Variants in SGCD observed in about 807,000 individuals in gnomAD.
SGCD encodes the protein sarcoglycan delta, also known as delta-sarcoglycan.
Under a neutral mutation model 36.6 loss-of-function variants are expected in SGCD, and 18 were observed. The ratio of observed to expected loss-of-function variants is 0.49; its 90% confidence interval spans 0.34 to 0.73. The LOEUF is 0.73. SGCD is among the 30% of genes least tolerant of loss of function. The pLI is 0.01. For missense variants in SGCD, 387 were observed against 346.7 expected (o/e 1.12, Z -0.92); for synonymous variants, 133 against 130.6 (o/e 1.02, Z -0.12).
Position 156,229,286 on chromosome 5 carries a change from A to ATATATATG in SGCD, c.-43-100241_-43-100240insGTATATAT, listed in dbSNP as rs1554085611. 3.6e-5 allele frequency among the ~76,000 whole-genome samples: 4 copies of ATATATATG among 110,450 alleles called. 1 individual carries two copies. The highest frequency in any genetic ancestry group is 5.2e-5 in the Non-Finnish European group (3 of 57,210). The allele number at this position is 110,450 out of a possible 152,430, so 72.5% of individuals were successfully genotyped here. On this transcript the variant is annotated intron_variant, in intron 3 of 9. Transcript: ENST00000517913. ...CATATATATATACATACATATATATATATATATATATATAAAATTAGTTCT... is the reference window on the plus strand; with the variant it reads ...CATATATATATACATACATATATATATATATATGTATATATATATATAAAATTAGTTCT...
rs976395604 is a variant in SGCD, at chr5:156,575,765, G to C, written c.295-13466G>C. On this transcript the variant is annotated intron_variant, in intron 4 of 8. Coordinates refer to ENST00000337851, the MANE Select transcript of SGCD (RefSeq NM_000337.6). The stretch of plus-strand genomic sequence containing the variant: ...ATGTACTTTAAGCAAAAAAAAATAT[G>C]ATTAAATAAATTTTGGAGCGATTGG... Among the ~76,000 whole-genome samples the C allele has an allele frequency of 3.9e-5, 6 of 152,088 alleles. No homozygotes were observed. In the East Asian group the frequency reaches 1.2e-3, roughly 29 times the overall value.
At chr5:156,251,180 T>G (rs1387570755) in intron 3 of SGCD, among the ~76,000 whole-genome samples, 1 of 152,228 alleles carries the variant, frequency 6.6e-6, no homozygotes, top group Non-Finnish European at 1.5e-5. Flanking sequence ...GTGTACAGTT[T>G]TTACTTGTAC....
chr5:156,599,449 A>G (rs190304670), intron 6 of SGCD, among the ~76,000 whole-genome samples: 328 of 152,344 alleles, frequency 2.2e-3, no homozygotes, highest in African/African-American at 7.0e-3. Flanking sequence ...TAAAAAGTCA[A>G]TTATTTAAGT....
intron 4 of SGCD, among the ~76,000 whole-genome samples, chr5:156,568,634 A>G (rs531659785): frequency 1.3e-5 from 2 of 152,196 alleles, no homozygotes; most frequent in Non-Finnish European, 2.9e-5. Context: ...TAATTTCTAA[A>G]GCCTGAATTG....
At chr5:155,955,669 A>G (rs1309688518) in intron 1 of SGCD, among the ~76,000 whole-genome samples, 1 of 152,158 alleles carries the variant, frequency 6.6e-6, no homozygotes, top group Non-Finnish European at 1.5e-5. Flanking sequence ...TTGTGTGGAC[A>G]CACACATGAG....
At chr5:156,001,685 C>T (rs779992669) in intron 1 of SGCD, among the ~76,000 whole-genome samples, 3 of 151,860 alleles carry the variant, frequency 2.0e-5, no homozygotes, top group Admixed American at 6.6e-5. Flanking sequence ...GTTTTTTTGG[C>T]CAGAGAAATT....
chr5:155,835,560 A>G, the SGCD span, among the ~76,000 whole-genome samples: 3 of 152,096 alleles, frequency 2.0e-5, no homozygotes, highest in Non-Finnish European at 4.4e-5. Context: ...ATACAGTATG[A>G]TTTCTGATGT....
At chr5:156,088,565 T>C (rs773583035) in intron 1 of SGCD, among the ~76,000 whole-genome samples, 14 of 152,080 alleles carry the variant, frequency 9.2e-5, no homozygotes, top group Non-Finnish European at 2.1e-4. Flanking sequence ...AGTGGTGCAA[T>C]CATGGCTCAC....
chr5:155,743,442 T>C, the SGCD span, among the ~76,000 whole-genome samples: 1 of 152,192 alleles, frequency 6.6e-6, no homozygotes, highest in African/African-American at 2.4e-5. Flanking sequence ...AGACCAAATA[T>C]ATATTTCCCA....
chr5:156,168,158 C>A (rs186253430), intron 3 of SGCD, among the ~76,000 whole-genome samples: 59 of 152,268 alleles, frequency 3.9e-4, no homozygotes, highest in African/African-American at 1.3e-3. Context: ...ATAAAATCAT[C>A]ATTTTTTTCC....
At chr5:156,040,851 T>A (rs1759616091) in intron 1 of SGCD, among the ~76,000 whole-genome samples, 1 of 152,212 alleles carries the variant, frequency 6.6e-6, no homozygotes, top group Non-Finnish European at 1.5e-5. Context: ...GCCATCCTGA[T>A]GGAGCTTGGC....
intron 4 of SGCD, among the ~76,000 whole-genome samples, chr5:156,573,963 G>T (rs1219517484): frequency 6.6e-6 from 1 of 152,094 alleles, no homozygotes; most frequent in African/African-American, 2.4e-5. Flanking sequence ...AGAGCATTGG[G>T]ATTACAGACA....
At chr5:156,431,687 A>G (rs2127788054) in intron 3 of SGCD, among the ~76,000 whole-genome samples, 1 of 152,106 alleles carries the variant, frequency 6.6e-6, no homozygotes, top group Non-Finnish European at 1.5e-5. Flanking sequence ...GCTTCCTGAG[A>G]GCCAGACTGC....
intron 1 of SGCD, among the ~76,000 whole-genome samples, chr5:155,976,122 A>G (rs1006460824): frequency 2.6e-5 from 4 of 152,210 alleles, no homozygotes; most frequent in African/African-American, 9.6e-5. Context: ...AGCATAAAAA[A>G]TGCTGTAAGA....
chr5:156,579,158 T>A (rs1313103330), intron 4 of SGCD, among the ~76,000 whole-genome samples: 1 of 152,208 alleles, frequency 6.6e-6, no homozygotes, highest in African/African-American at 2.4e-5. Flanking sequence ...TCTGCCTTCA[T>A]TTCGTGATGT....
At chr5:156,499,312 C>T (rs946750141) in intron 3 of SGCD, among the ~76,000 whole-genome samples, 1 of 152,130 alleles carries the variant, frequency 6.6e-6, no homozygotes, top group Non-Finnish European at 1.5e-5. Flanking sequence ...ACTTTCTGAA[C>T]AATCTCTAGC....
intron 6 of SGCD, among the ~76,000 whole-genome samples, chr5:156,604,887 T>C (rs1353985646): frequency 6.7e-6 from 1 of 150,154 alleles, no homozygotes; most frequent in African/African-American, 2.4e-5. Context: ...ATATATATTA[T>C]GTGTATGTTT....
chr5:156,142,602 A>G (rs992439790), intron 3 of SGCD, among the ~76,000 whole-genome samples: 1 of 152,188 alleles, frequency 6.6e-6, no homozygotes, highest in African/African-American at 2.4e-5. Context: ...ACTTTTGGAA[A>G]CCAGAGAAAA....
chr5:156,633,132 G>A (rs1262283124), intron 6 of SGCD, among the ~76,000 whole-genome samples: 1 of 152,106 alleles, frequency 6.6e-6, no homozygotes, highest in Non-Finnish European at 1.5e-5. Flanking sequence ...TTTCAACATG[G>A]CTGCCAGCCC....
Sources: allele counts gnomAD v4.1 joint callset (sites outside exome capture counted in the v4.1 genomes callset), GRCh38; gene constraint gnomAD v4.1.1; transcripts MANE v1.5; gene names NCBI Gene and HGNC (gene_info 2026-07-23, HGNC 2026-07-21).